The following UGT2B15 variants were observed in gnomAD, a reference collection of about 807,000 sequenced individuals.
The protein encoded by UGT2B15 is UDP glucuronosyltransferase family 2 member B15, also known as UDP-glucuronosyltransferase 2B15.
In UGT2B15, 36 loss-of-function variants were observed where a neutral mutation model predicts 45.9. The observed-to-expected ratio is 0.78, with a 90% CI of 0.60 to 1.04. UGT2B15 has a LOEUF of 1.04. Among genes scored for constraint, UGT2B15 ranks in the 50% least tolerant of loss-of-function variants. UGT2B15 has a pLI of 0.00. For missense variants in UGT2B15, 617 were observed against 622.4 expected (o/e 0.99, Z 0.09); for synonymous variants, 219 against 216.4 (o/e 1.01, Z -0.11).
Position 68,670,336 on chromosome 4 carries a change from C to A in UGT2B15, c.283G>T (p.Asp95Tyr), listed in dbSNP as rs767748124. The change falls in exon 1 of 6, where the codon GAT becomes TAT. Residue 95 changes from aspartate (D) to tyrosine (Y), a missense_variant. This residue lies in a region of UGT2B15 where 351 missense variants were observed against 342.1 expected (regional missense o/e 1.03). Transcript: ENST00000338206. ...YLEDSLLKILDRWIYGVSKNT... is the reference protein window; with the variant it reads ...YLEDSLLKILYRWIYGVSKNT... ...TTTGAAACACCATATATCCATCTATCGAGAATTTTCAGAAGAGAATCTTCC... is the reference window on the plus strand; with the variant it reads ...TTTGAAACACCATATATCCATCTATAGAGAATTTTCAGAAGAGAATCTTCC... The A allele has an allele frequency of 1.1e-5, 18 of 1,613,452 alleles. No individual in the cohort carries two copies. In the South Asian group the frequency reaches 1.9e-4, roughly 17 times the overall value.
intron 5 of UGT2B15, among the ~76,000 whole-genome samples, chr4:68,650,841 C>T (rs1467806191): frequency 6.6e-6 from 1 of 152,030 alleles, no homozygotes; most frequent in Admixed American, 6.6e-5. Context: ...CATCGCCATT[C>T]TGACTGGCAT....
chr4:68,654,605 G>T (rs916676998), intron 4 of UGT2B15, among the ~76,000 whole-genome samples: 1 of 151,878 alleles, frequency 6.6e-6, no homozygotes, highest in Non-Finnish European at 1.5e-5. Context: ...GCAGCAGGGA[G>T]TAGGGTGGAG....
intron 5 of UGT2B15, among the ~76,000 whole-genome samples, chr4:68,650,062 T>C (rs1328811907): frequency 6.6e-6 from 1 of 151,990 alleles, no homozygotes; most frequent in Non-Finnish European, 1.5e-5. Context: ...TCTCGATATC[T>C]TGACCTCGTG....
intron 5 of UGT2B15, among the ~76,000 whole-genome samples, chr4:68,648,076 C>A (rs570994435): frequency 2.4e-4 from 36 of 152,014 alleles, no homozygotes; most frequent in Non-Finnish European, 4.4e-4. Context: ...TGCCTCCTAA[C>A]TAGTTTCTCA....
At chr4:68,649,738 C>G (rs551192378) in intron 5 of UGT2B15, among the ~76,000 whole-genome samples, 2 of 152,106 alleles carry the variant, frequency 1.3e-5, no homozygotes, top group South Asian at 4.2e-4. Context: ...AATGTTTTAT[C>G]TCCTTAAATA....
At chr4:68,649,157 T>C (rs1438497308) in intron 5 of UGT2B15, among the ~76,000 whole-genome samples, 1 of 151,950 alleles carries the variant, frequency 6.6e-6, no homozygotes, top group Non-Finnish European at 1.5e-5. Context: ...TGATTTATAA[T>C]TTATTTCTAG....
chr4:68,653,038 A>G (rs903101126), intron 5 of UGT2B15, among the ~76,000 whole-genome samples: 4 of 152,014 alleles, frequency 2.6e-5, no homozygotes, highest in Non-Finnish European at 4.4e-5. Flanking sequence ...GTGTGAAGAA[A>G]TTAGAGCCCT....
At chr4:68,659,583 G>A (rs1329955111) in intron 3 of UGT2B15, among the ~76,000 whole-genome samples, 1 of 151,928 alleles carries the variant, frequency 6.6e-6, no homozygotes, top group Non-Finnish European at 1.5e-5. Flanking sequence ...TATGTGTTAA[G>A]TTATTGTGTG....
chr4:68,658,860 C>T (rs4694738), intron 3 of UGT2B15, among the ~76,000 whole-genome samples: 73,584 of 151,768 alleles, frequency 0.48, 21,019 homozygotes, highest in Non-Finnish European at 0.64. Context: ...CTATTCAGCT[C>T]CTCAAGGTCC....
chr4:68,667,617 T>C (rs1733179114), intron 2 of UGT2B15, among the ~76,000 whole-genome samples: 1 of 152,108 alleles, frequency 6.6e-6, no homozygotes, highest in Admixed American at 6.5e-5. Flanking sequence ...CTTATAACAC[T>C]TTTTAGACTT....
At chr4:68,662,070 T>C (rs1334075101) in intron 3 of UGT2B15, among the ~76,000 whole-genome samples, 4 of 152,028 alleles carry the variant, frequency 2.6e-5, no homozygotes, top group Non-Finnish European at 2.9e-5. Context: ...ATGGGAGTGT[T>C]AAAGTAACTC....
chr4:68,664,371 C>T (rs371542753), intron 2 of UGT2B15, among the ~76,000 whole-genome samples: 70 of 151,648 alleles, frequency 4.6e-4, no homozygotes, highest in African/African-American at 1.7e-3. Context: ...GCTGTTGTCC[C>T]TTTTGTTCAA....
chr4:68,646,934 C>CA lies in UGT2B15; in HGVS notation c.*169dup. On this transcript the variant is annotated 3_prime_UTR_variant, in exon 6 of 6. Coordinates refer to ENST00000338206, the MANE Select transcript of UGT2B15 (RefSeq NM_001076.4). ...TAAAAATCATTGACATAGAATAATT[C>CA]AGCTAAAGTACGTATTAAATCCCTG... 1 of 857,266 alleles carries CA rather than the reference C, an allele frequency of 1.2e-6. No individual in the cohort carries two copies. The highest frequency in any genetic ancestry group is 1.9e-5 in the South Asian group (1 of 51,676). 53.1% of individuals were successfully genotyped at this position (857,266 alleles called of 1,614,324 possible). A position where few individuals can be genotyped will look rare whatever the true frequency, so the allele number is the denominator to read the frequency against.
Position 68,647,148 on chromosome 4 carries a change from A to T in UGT2B15, c.1549T>A (p.Phe517Ile). 3 of 1,613,824 alleles carry T rather than the reference A, an allele frequency of 1.9e-6. No individual in the cohort carries two copies. The highest frequency in any genetic ancestry group is 2.5e-6 in the Non-Finnish European group (3 of 1,179,824). The change falls in exon 6 of 6, where the codon TTC becomes ATC. Residue 517 changes from phenylalanine to isoleucine, a missense_variant. Phe to Ile is a conservative substitution (Grantham distance 21). Around this residue, in one of 3 missense-constraint regions of UGT2B15, gnomAD observed 265 missense variants for 245.1 expected, o/e 1.08. Transcript: ENST00000338206. ...FIITKFCLFC[F>I]RKLAKKGKKK... ...TTTCCTTTTTTGGCAAGCTTTCGGA[A>T]ACAAAACAGGCAAAATTTTGTGATG...
intron 5 of UGT2B15, among the ~76,000 whole-genome samples, chr4:68,651,214 G>T (rs1360999321): frequency 2.6e-5 from 4 of 152,048 alleles, no homozygotes; most frequent in African/African-American, 9.7e-5. Flanking sequence ...TTTGTGTCAT[G>T]AAATTTTTGC....
At chr4:68,659,627 T>C (rs550009496) in intron 3 of UGT2B15, among the ~76,000 whole-genome samples, 2 of 152,112 alleles carry the variant, frequency 1.3e-5, no homozygotes, top group South Asian at 4.2e-4. Context: ...GTCCATTGTG[T>C]CTTTGACTGA....
At position 68,654,196 on chromosome 4, in the gene UGT2B15, A is replaced by G; in HGVS notation, c.1154T>C (p.Ile385Thr). The change falls in exon 5 of 6, where the codon ATC (isoleucine) becomes ACC (threonine). Residue 385 changes from isoleucine to threonine, a missense_variant. Ile to Thr is a moderately conservative substitution (Grantham distance 89, BLOSUM62 -1). Transcript: ENST00000338206. ...GCCCACCATAGGGATCCCATGGTAG[A>G]TCGCCTCATAGATGCCATTGGTTCC... is the stretch of plus-strand genomic sequence containing the variant. ...HGGTNGIYEA[I>T]YHGIPMVGIP... is the part of the protein sequence containing the mutation. The G allele has an allele frequency of 1.9e-6, 3 of 1,613,638 alleles. No individual in the cohort carries two copies. The highest frequency in any genetic ancestry group is 2.5e-6 in the Non-Finnish European group (3 of 1,179,704).
intron 3 of UGT2B15, among the ~76,000 whole-genome samples, chr4:68,661,106 C>A (rs1406208881): frequency 6.6e-6 from 1 of 151,914 alleles, no homozygotes; most frequent in Non-Finnish European, 1.5e-5. Flanking sequence ...CAGATGAAAA[C>A]CTGAGACCAG....
rs1451128374 is a variant in UGT2B15 at position 68,670,331 on chromosome 4, T to A, written c.288A>T (p.Arg96Ser). ...LEDSLLKILDRWIYGVSKNTF... is the reference protein window; with the variant it reads ...LEDSLLKILDSWIYGVSKNTF... Reference sequence around the variant, plus strand: ...TATTTTTTGAAACACCATATATCCATCTATCGAGAATTTTCAGAAGAGAAT... The same window carrying A: ...TATTTTTTGAAACACCATATATCCAACTATCGAGAATTTTCAGAAGAGAAT... The change falls in exon 1 of 6, where the codon AGA (arginine) becomes AGT (serine). Residue 96 changes from arginine (R) to serine (S), a missense_variant. This residue lies in a region of UGT2B15 where 351 missense variants were observed against 342.1 expected (regional missense o/e 1.03). Coordinates refer to ENST00000338206, the MANE Select transcript of UGT2B15 (RefSeq NM_001076.4). 1 of 1,613,730 alleles carries A rather than the reference T, an allele frequency of 6.2e-7. No individual in the cohort carries two copies. The highest frequency in any genetic ancestry group is 1.7e-5 in the Admixed American group (1 of 59,882).
Sources: allele counts gnomAD v4.1 joint callset (sites outside exome capture counted in the v4.1 genomes callset), GRCh38; gene constraint gnomAD v4.1.1; regional missense constraint gnomAD v4.1.1; transcripts MANE v1.5; gene names NCBI Gene and HGNC (gene_info 2026-07-23, HGNC 2026-07-21).